Variants in PRH1 observed in about 807,000 individuals in gnomAD.
The protein encoded by PRH1 is proline rich protein HaeIII subfamily 1.
PRH1 carries 7 observed loss-of-function variants against 7.9 expected under a neutral mutation model. The ratio of observed to expected loss-of-function variants is 0.89; its 90% CI spans 0.50 to 1.67. PRH1 has a LOEUF of 1.67. PRH1 is among the 40% of genes most tolerant of loss of function. The probability of loss-of-function intolerance (pLI) is 0.00; values close to 1 mark genes in which losing one functional copy is unlikely to be tolerated. For synonymous variants in PRH1, 45 were observed against 80.8 expected (o/e 0.56, Z 2.38); for missense variants, 109 against 223.6 (o/e 0.49, Z 3.27).
At chr12:11,143,350 A>G (rs1946762855) in intron 1 of PRH1, among the ~76,000 whole-genome samples, 1 of 152,218 alleles carries the variant, frequency 6.6e-6, no homozygotes. Context: ...ATCAAAAAAC[A>G]TAATACAATG....
chr12:11,105,751 C>G (rs1014988060), intron 1 of PRH1, among the ~76,000 whole-genome samples: 3 of 152,066 alleles, frequency 2.0e-5, no homozygotes, highest in Non-Finnish European at 2.9e-5. Context: ...GTTGTATAAC[C>G]TGGTAAAGGG....
At chr12:10,954,803 G>A (rs1236384134) in intron 2 of PRH1, among the ~76,000 whole-genome samples, 1 of 151,934 alleles carries the variant, frequency 6.6e-6, no homozygotes, top group Non-Finnish European at 1.5e-5. Context: ...ATACAAAACT[G>A]TCTTTAACCA....
chr12:11,009,608 A>C (rs1940979729), intron 1 of PRH1, among the ~76,000 whole-genome samples: 1 of 151,924 alleles, frequency 6.6e-6, no homozygotes, highest in Non-Finnish European at 1.5e-5. Flanking sequence ...AAATAGTAAC[A>C]ATTTTCTTCT....
intron 1 of PRH1, among the ~76,000 whole-genome samples, chr12:11,156,093 T>C (rs1043763244): frequency 2.6e-5 from 4 of 152,224 alleles, no homozygotes; most frequent in African/African-American, 9.6e-5. Context: ...TCTTCAACTT[T>C]GTATTTTCAG....
At chr12:10,961,326 C>T (rs1052770704) in intron 2 of PRH1, among the ~76,000 whole-genome samples, 6 of 150,838 alleles carry the variant, frequency 4.0e-5, no homozygotes, top group Middle Eastern at 3.4e-3. Context: ...AGGTGCCCAG[C>T]GAACAATGAT....
chr12:10,929,669 A>C (rs1450984082), intron 2 of PRH1, among the ~76,000 whole-genome samples: 1 of 152,202 alleles, frequency 6.6e-6, no homozygotes, highest in African/African-American at 2.4e-5. Flanking sequence ...TACTGATCCC[A>C]GTAGACAGGG....
chr12:10,903,709 A>C (rs757509908), intron 2 of PRH1, among the ~76,000 whole-genome samples: 64 of 151,960 alleles, frequency 4.2e-4, no homozygotes, highest in Admixed American at 5.9e-4. Flanking sequence ...AAGGCATCCA[A>C]ATAGAAAAAT....
At chr12:11,100,365 T>A (rs758602868) in intron 1 of PRH1, among the ~76,000 whole-genome samples, 1 of 152,186 alleles carries the variant, frequency 6.6e-6, no homozygotes, top group African/African-American at 2.4e-5. Flanking sequence ...GGCATCCTCC[T>A]GCAACTTGGA....
At chr12:10,937,204 TTCTCTCTC>T (rs61659284) in intron 2 of PRH1, among the ~76,000 whole-genome samples, 62 of 147,192 alleles carry the variant, frequency 4.2e-4, no homozygotes, top group South Asian at 1.1e-3. Flanking sequence ...GCAATTTTAT[TTCTCTCTC>T]TCTCTCTCTC....
intron 1 of PRH1, chr12:11,031,303 A>G (rs1942202740): frequency 6.2e-7 from 1 of 1,613,604 alleles, no homozygotes; most frequent in Non-Finnish European, 8.5e-7. Flanking sequence ...CCACTACCAC[A>G]CTGGAAAAAA....
intron 2 of PRH1, among the ~76,000 whole-genome samples, chr12:10,907,421 C>A (rs1392351194): frequency 6.6e-6 from 1 of 152,034 alleles, no homozygotes; most frequent in Non-Finnish European, 1.5e-5. Flanking sequence ...CAGGAACAAA[C>A]TACTGATTAA....
At chr12:10,951,486 T>C (rs2135914435) in intron 2 of PRH1, among the ~76,000 whole-genome samples, 1 of 152,290 alleles carries the variant, frequency 6.6e-6, no homozygotes, top group East Asian at 1.9e-4. Context: ...CATACACATA[T>C]ACATATACCC....
At chr12:10,899,146 T>C (rs1949689326) in intron 2 of PRH1, among the ~76,000 whole-genome samples, 1 of 152,204 alleles carries the variant, frequency 6.6e-6, no homozygotes, top group African/African-American at 2.4e-5. Flanking sequence ...AAATAAATTG[T>C]TTTTTATTTC....
At chr12:10,953,147 C>T (rs868463955) in intron 2 of PRH1, among the ~76,000 whole-genome samples, 4 of 151,752 alleles carry the variant, frequency 2.6e-5, no homozygotes, top group Non-Finnish European at 5.9e-5. Flanking sequence ...AGAATGGCAA[C>T]TTCGAAGACT....
intron 2 of PRH1, among the ~76,000 whole-genome samples, chr12:10,966,982 G>C (rs984728795): frequency 6.6e-6 from 1 of 152,022 alleles, no homozygotes. Context: ...AGGCCTGGTG[G>C]CGGGCACCTG....
chr12:10,916,723 T>C (rs1342526564), intron 2 of PRH1, among the ~76,000 whole-genome samples: 1 of 151,484 alleles, frequency 6.6e-6, no homozygotes, highest in Non-Finnish European at 1.5e-5. Context: ...TGAAAAAAAG[T>C]GCCACAGAAA....
At chr12:11,027,360 G>A (rs1941967539) in intron 1 of PRH1, among the ~76,000 whole-genome samples, 1 of 151,036 alleles carries the variant, frequency 6.6e-6, no homozygotes, top group African/African-American at 2.5e-5. Flanking sequence ...AACGATGAAT[G>A]GAAGTAAAAT....
At position 11,003,309 on chromosome 12, in the gene PRH1, C is replaced by A. The variant is rs1303693856; in HGVS notation, c.-125-29588G>T. The stretch of plus-strand genomic sequence containing the variant: ...CTGCTTTTAAAATATTTTCATTATT[C>A]GGGAACCTAACATATGTAGGGAAAG... On this transcript the variant is annotated intron_variant, in intron 1 of 3. Coordinates refer to the PRH1 transcript ENST00000539853. 4.0e-5 allele frequency among the ~76,000 whole-genome samples: 6 copies of A among 151,698 alleles called. No homozygotes were observed. The East Asian group carries it at 1.2e-3, about 29-fold the overall frequency.
chr12:11,126,772 G>C (rs34280471), intron 1 of PRH1, among the ~76,000 whole-genome samples: 32,163 of 151,968 alleles, frequency 0.21, 3,967 homozygotes, highest in Non-Finnish European at 0.27. Flanking sequence ...GGGAAAATAT[G>C]ATTAGTTAAC....
Sources: gnomAD v4.1 joint callset for allele counts (sites outside exome capture counted in the v4.1 genomes callset) on GRCh38, gnomAD v4.1.1 for gene constraint, MANE v1.5 for transcripts, NCBI Gene and HGNC (gene_info 2026-07-23, HGNC 2026-07-21) for gene names.